DIS3L2: variants seen among roughly 807,000 people sequenced by gnomAD.
DIS3L2 encodes DIS3-like exonuclease 2.
DIS3L2 carries 34 observed loss-of-function variants against 97.5 expected under a neutral mutation model. That is an observed-to-expected ratio of 0.35 (90% CI 0.27 to 0.46). The LOEUF (loss-of-function observed/expected upper bound fraction) is 0.46, where lower values mean the gene tolerates loss of function less well. DIS3L2 is among the 20% of genes least tolerant of loss of function. DIS3L2 has a pLI of 1.00. For synonymous variants in DIS3L2, 435 were observed against 445.2 expected (o/e 0.98, Z 0.29); for missense variants, 1,038 against 1,146.0 (o/e 0.91, Z 1.36).
intron 5 of DIS3L2, among the ~76,000 whole-genome samples, chr2:232,053,112 A>G (rs532678736): frequency 1.2e-4 from 19 of 152,296 alleles, no homozygotes; most frequent in Admixed American, 1.0e-3. Context: ...ATATTGATTT[A>G]ATTCATGAGG....
At chr2:232,208,079 T>A (rs911439638) in intron 9 of DIS3L2, among the ~76,000 whole-genome samples, 32 of 152,256 alleles carry the variant, frequency 2.1e-4, no homozygotes, top group Admixed American at 4.6e-4. Context: ...ATGAATTTTT[T>A]AAAAAAATAG....
chr2:232,313,390 G>T (rs1695186045), intron 14 of DIS3L2, among the ~76,000 whole-genome samples: 1 of 152,146 alleles, frequency 6.6e-6, no homozygotes, highest in African/African-American at 2.4e-5. Context: ...TCACAAGACT[G>T]CTACTCCTCA....
chr2:232,068,409 TAA>T (rs5839428), intron 5 of DIS3L2, among the ~76,000 whole-genome samples: 2,687 of 134,818 alleles, frequency 0.02, 21 homozygotes, highest in Non-Finnish European at 0.025. Flanking sequence ...CTATTGCTAC[TAA>T]AAAAAAAAAA....
rs913125162 is a variant in DIS3L2 at position 232,325,885 on chromosome 2, G to A, written c.1740-3928G>A. Among the ~76,000 whole-genome samples, 6 of 152,222 alleles carry A rather than the reference G, an allele frequency of 3.9e-5. No homozygotes were observed. Among genetic ancestry groups the A allele is most frequent in the African/African-American group, 1.2e-4 (5 of 41,466 alleles). On this transcript the variant is annotated intron_variant, in intron 14 of 20. Transcript: ENST00000325385. The surrounding 1 kb of genome is among the most constrained non-coding windows in gnomAD (Gnocchi z 4.6). The stretch of plus-strand genomic sequence containing the variant: ...GCCAGTGCCCACATCAGAGGAGGAA[G>A]GTATGAGGCCAGGGCAGGGGGCAGG...
chr2:232,334,639 C>T lies in DIS3L2; in HGVS notation c.2298C>T (p.Gly766=), dbSNP rs774880708. ...LFFAVLVKES[G]PLESEAMVMG... ...CAGCACTGTCCCTGCAGGAGAGTGG[C>T]CCCCTGGAGTCAGAAGCCATGGTGA... Residue 766 remains glycine, a synonymous_variant, in exon 19 of 21, where the codon GGC becomes GGT. Coordinates refer to ENST00000325385, the MANE Select transcript of DIS3L2 (RefSeq NM_152383.5). 3 of 1,607,660 alleles carry T rather than the reference C, an allele frequency of 1.9e-6. No individual in the cohort carries two copies. The highest frequency in any genetic ancestry group is 2.5e-6 in the Non-Finnish European group (3 of 1,177,330).
rs188242017 is a variant in DIS3L2 at position 231,968,288 on chromosome 2, G to C, written c.-94+6523G>C. Among the ~76,000 whole-genome samples, 325 of 152,220 alleles carry C rather than the reference G, an allele frequency of 2.1e-3. 1 individual carries two copies. Among genetic ancestry groups the C allele is most frequent in the Non-Finnish European group, 3.2e-3 (216 of 68,014 alleles). On this transcript the variant is annotated intron_variant, in intron 1 of 20. Coordinates refer to ENST00000325385, the MANE Select transcript of DIS3L2 (RefSeq NM_152383.5). The stretch of plus-strand genomic sequence containing the variant: ...AATTTTTGTATTTTTAATAGAGACG[G>C]GGTTTCATTGTGTTAGCTAGGATGG...
At chr2:232,068,536 T>C (rs949523908) in intron 5 of DIS3L2, among the ~76,000 whole-genome samples, 3 of 151,754 alleles carry the variant, frequency 2.0e-5, no homozygotes, top group Non-Finnish European at 4.4e-5. Flanking sequence ...GAGCCATGAT[T>C]GTGTCACTGC....
chr2:232,338,130 CCAAA>C (rs1385928146), downstream of DIS3L2, among the ~76,000 whole-genome samples: 3 of 146,154 alleles, frequency 2.1e-5, no homozygotes, highest in African/African-American at 5.6e-5. Flanking sequence ...TGTGAGAGCC[CCAAA>C]CAGGAGAGCC....
chr2:232,255,360 C>T (rs895698183), intron 12 of DIS3L2, among the ~76,000 whole-genome samples: 7 of 152,214 alleles, frequency 4.6e-5, no homozygotes, highest in African/African-American at 1.2e-4. Flanking sequence ...GCGTAGCCAC[C>T]AGTCTCACCT....
In DIS3L2 at chr2:232,245,519, C is replaced by CT. The variant is rs540151653; in HGVS notation, c.1318-3717dup. Among the ~76,000 whole-genome samples the CT allele has an allele frequency of 2.8e-3, 430 of 152,326 alleles. 1 individual carries two copies. Among genetic ancestry groups the CT allele is most frequent in the Non-Finnish European group, 4.7e-3 (318 of 68,026 alleles). Reference sequence around the variant, plus strand: ...GATTGTAACCTCTTAATTCCTTTTCCTTTGAAACATAGAGGAATAACCATC... The same window carrying CT: ...GATTGTAACCTCTTAATTCCTTTTCCTTTTGAAACATAGAGGAATAACCATC... On this transcript the variant is annotated intron_variant, in intron 11 of 20. Coordinates refer to ENST00000325385, the MANE Select transcript of DIS3L2 (RefSeq NM_152383.5).
chr2:232,195,931 G>T (rs1312354568), intron 9 of DIS3L2, among the ~76,000 whole-genome samples: 1 of 152,070 alleles, frequency 6.6e-6, no homozygotes, highest in Non-Finnish European at 1.5e-5. Flanking sequence ...TTTGGGGAGA[G>T]GCTTTTATCA....
At chr2:232,166,105 A>G (rs1467198557) in intron 9 of DIS3L2, among the ~76,000 whole-genome samples, 1 of 150,296 alleles carries the variant, frequency 6.7e-6, no homozygotes, top group Non-Finnish European at 1.5e-5. Context: ...TAAATAAATA[A>G]ATAAATAAAT....
At chr2:232,030,407 A>G (rs1694774355) in intron 5 of DIS3L2, among the ~76,000 whole-genome samples, 1 of 152,156 alleles carries the variant, frequency 6.6e-6, no homozygotes, top group South Asian at 2.1e-4. Context: ...CATCCTATGC[A>G]GGGAGAACTA....
intron 14 of DIS3L2, among the ~76,000 whole-genome samples, chr2:232,318,774 G>A (rs2106337474): frequency 6.6e-6 from 1 of 152,316 alleles, no homozygotes; most frequent in South Asian, 2.1e-4. Flanking sequence ...GCCTGGCCAA[G>A]CCCTGGAGAA....
At chr2:231,985,398 C>T (rs1167918802) in intron 1 of DIS3L2, among the ~76,000 whole-genome samples, 1 of 152,178 alleles carries the variant, frequency 6.6e-6, no homozygotes, top group African/African-American at 2.4e-5. Context: ...CAGATTGGTG[C>T]ATGTATCAAT....
intron 5 of DIS3L2, among the ~76,000 whole-genome samples, chr2:232,069,411 G>A (rs1343627175): frequency 6.6e-6 from 1 of 152,196 alleles, no homozygotes; most frequent in East Asian, 1.9e-4. Flanking sequence ...TTTTATCAGT[G>A]TAGTGTTCTA....
intron 14 of DIS3L2, among the ~76,000 whole-genome samples, chr2:232,315,441 T>C (rs1188223334): frequency 6.6e-6 from 1 of 152,202 alleles, no homozygotes; most frequent in Non-Finnish European, 1.5e-5. Context: ...GTTGTCATCT[T>C]CTGTGGCTGC....
At chr2:232,033,831 G>T (rs3100607) in intron 5 of DIS3L2, among the ~76,000 whole-genome samples, 81,537 of 151,982 alleles carry the variant, frequency 0.54, 23,429 homozygotes, top group East Asian at 0.69. Context: ...CTTGATCGTG[G>T]TGGATAAGCT....
intron 9 of DIS3L2, among the ~76,000 whole-genome samples, chr2:232,174,632 A>C (rs1415140258): frequency 1.3e-5 from 2 of 150,234 alleles, no homozygotes; most frequent in Admixed American, 6.6e-5. Context: ...TTTTTCGTGG[A>C]TACCATGGAA....
Sources: allele counts gnomAD v4.1 joint callset (sites outside exome capture counted in the v4.1 genomes callset), GRCh38; gene constraint gnomAD v4.1.1; non-coding constraint Gnocchi (gnomAD v3.1); transcripts MANE v1.5; gene names NCBI Gene and HGNC (gene_info 2026-07-23, HGNC 2026-07-21).